Variants in CREB1 observed in about 807,000 individuals in gnomAD.
CREB1 encodes cAMP responsive element binding protein 1.
In CREB1, 2 loss-of-function variants were observed where a neutral mutation model predicts 42.0. The observed-to-expected ratio is 0.05, with a 90% CI of 0.02 to 0.15. The LOEUF is 0.15. CREB1 is among the 10% of genes least tolerant of loss of function. The pLI, the probability that CREB1 is intolerant of heterozygous loss-of-function variation, is 1.00. For missense variants in CREB1, 199 were observed against 388.9 expected (o/e 0.51, Z 4.11); for synonymous variants, 123 against 139.9 (o/e 0.88, Z 0.85).
intron 7 of CREB1, among the ~76,000 whole-genome samples, chr2:207,586,947 T>A (rs1574950260): frequency 6.6e-6 from 1 of 152,150 alleles, no homozygotes; most frequent in East Asian, 1.9e-4. Context: ...GTATCATTAG[T>A]TAGAATGGCT....
intron 7 of CREB1, among the ~76,000 whole-genome samples, chr2:207,590,466 T>C (rs904192587): frequency 5.3e-5 from 8 of 152,090 alleles, no homozygotes; most frequent in African/African-American, 1.9e-4. Flanking sequence ...TGTACTCTGA[T>C]CTTTGTTATT....
chr2:207,536,851 A>G (rs1376360502), intron 1 of CREB1, among the ~76,000 whole-genome samples: 1 of 151,676 alleles, frequency 6.6e-6, no homozygotes, highest in Non-Finnish European at 1.5e-5. Flanking sequence ...TTATCTGGGT[A>G]TAGTTGTATA....
In CREB1 at chr2:207,575,331, G is replaced by A. The variant is rs747411549; in HGVS notation, c.565G>A (p.Gly189Ser). The A allele has an allele frequency of 6.4e-5, 103 of 1,613,974 alleles. No homozygotes were observed. Among genetic ancestry groups the A allele is most frequent in the Non-Finnish European group, 8.2e-5 (97 of 1,180,012 alleles). ...TAACAATGGTACCGATGGGGTACAG[G>A]GCCTGCAAACATTAACCATGACCAA... ...LANNGTDGVQ[G>S]LQTLTMTNAA... The change falls in exon 6 of 8, where the codon GGC becomes AGC. Residue 189 changes from glycine to serine, a missense_variant. Physicochemically the swap from Gly to Ser is moderately conservative, Grantham distance 56. Around this residue, in one of 4 missense-constraint regions of CREB1, gnomAD observed 66 missense variants for 88.1 expected, o/e 0.75. Coordinates refer to ENST00000353267, the MANE Select transcript of CREB1 (RefSeq NM_004379.5).
intron 7 of CREB1, among the ~76,000 whole-genome samples, chr2:207,589,084 G>A (rs1416824758): frequency 6.6e-6 from 1 of 152,076 alleles, no homozygotes; most frequent in African/African-American, 2.4e-5. Context: ...CTTAGGGGGT[G>A]TATTAGTTTT....
intron 7 of CREB1, among the ~76,000 whole-genome samples, chr2:207,595,442 A>T (rs1333819729): frequency 6.6e-6 from 1 of 151,270 alleles, no homozygotes; most frequent in Non-Finnish European, 1.5e-5. Context: ...CTTTCTTTTG[A>T]GACAGCATCT....
At chr2:207,586,618 C>A (rs1421668096) in intron 7 of CREB1, among the ~76,000 whole-genome samples, 1 of 152,098 alleles carries the variant, frequency 6.6e-6, no homozygotes, top group East Asian at 1.9e-4. Context: ...AGTGAAGAGA[C>A]AACCTGCAGA....
chr2:207,551,146 C>G (rs1275700612), intron 1 of CREB1, among the ~76,000 whole-genome samples: 1 of 152,074 alleles, frequency 6.6e-6, no homozygotes, highest in Non-Finnish European at 1.5e-5. Flanking sequence ...TCATTAATGC[C>G]TCTTTGGAAT....
chr2:207,568,124 G>A (rs2082210888), intron 4 of CREB1: 1 of 152,000 alleles, frequency 6.6e-6, no homozygotes, highest in East Asian at 1.9e-4. Flanking sequence ...TCTTCAGGAA[G>A]GGCAGTTCCA....
chr2:207,543,598 TTTTA>T (rs748170591), intron 1 of CREB1, among the ~76,000 whole-genome samples: 9 of 151,862 alleles, frequency 5.9e-5, no homozygotes, highest in South Asian at 2.1e-4. Context: ...TGGTTATTAA[TTTTA>T]TTTATTTATT....
At chr2:207,530,920 G>C (rs1346947492) in intron 1 of CREB1, among the ~76,000 whole-genome samples, 2 of 151,028 alleles carry the variant, frequency 1.3e-5, no homozygotes, top group East Asian at 1.9e-4. Context: ...TTAGTTGAGA[G>C]ATGAGAGCTT....
At chr2:207,546,879 C>T (rs1383348239) in intron 1 of CREB1, among the ~76,000 whole-genome samples, 3 of 152,106 alleles carry the variant, frequency 2.0e-5, no homozygotes, top group Non-Finnish European at 4.4e-5. Context: ...AGTTCTTGGG[C>T]TTTTTCCTTT....
chr2:207,539,192 C>T (rs989599971), intron 1 of CREB1, among the ~76,000 whole-genome samples: 1 of 151,416 alleles, frequency 6.6e-6, no homozygotes, highest in Non-Finnish European at 1.5e-5. Context: ...AAGCATGTGC[C>T]ACCATACCTG....
intron 7 of CREB1, among the ~76,000 whole-genome samples, chr2:207,587,468 C>T (rs2084089108): frequency 6.6e-6 from 1 of 151,576 alleles, no homozygotes; most frequent in South Asian, 2.1e-4. Context: ...AATCCTACTA[C>T]TGGGTATCTA....
chr2:207,566,464 C>T (rs533172814), intron 3 of CREB1, among the ~76,000 whole-genome samples: 68 of 152,270 alleles, frequency 4.5e-4, no homozygotes, highest in African/African-American at 1.6e-3. Flanking sequence ...ATTTGACAAT[C>T]AAGCATACTT....
At chr2:207,535,906 C>T (rs920784940) in intron 1 of CREB1, among the ~76,000 whole-genome samples, 1 of 152,082 alleles carries the variant, frequency 6.6e-6, no homozygotes, top group Admixed American at 6.6e-5. Flanking sequence ...ACTGCAACCT[C>T]TGTTTCCTGG....
intron 1 of CREB1, 101 bp from the exon 2 acceptor site, chr2:207,555,527 A>G (rs908905763): frequency 5.2e-6 from 3 of 573,302 alleles, no homozygotes; most frequent in Non-Finnish European, 9.3e-6. Flanking sequence ...TTGGTAACCT[A>G]ACCACCACAT....
intron 7 of CREB1, among the ~76,000 whole-genome samples, chr2:207,596,536 C>T (rs897537300): frequency 6.6e-5 from 10 of 152,180 alleles, no homozygotes; most frequent in Non-Finnish European, 1.3e-4. Context: ...CAGGTTCAAG[C>T]GATGCCCATG....
At chr2:207,544,119 C>T (rs2081208468) in intron 1 of CREB1, among the ~76,000 whole-genome samples, 1 of 151,486 alleles carries the variant, frequency 6.6e-6, no homozygotes, top group Non-Finnish European at 1.5e-5. Flanking sequence ...CAGAGTTTCA[C>T]TGTGGTCTCG....
chr2:207,605,106 C>G lies in CREB1; in HGVS notation c.*8048C>G, dbSNP rs1439128537. On this transcript the variant is annotated 3_prime_UTR_variant, in exon 8 of 8. Coordinates refer to ENST00000353267, the MANE Select transcript of CREB1 (RefSeq NM_004379.5). ...ATGCCTGGGAGTGGAGTTGCTGGGTCATGTTGAAATCGCACATTTAACTTT... is the reference window on the plus strand; with the variant it reads ...ATGCCTGGGAGTGGAGTTGCTGGGTGATGTTGAAATCGCACATTTAACTTT... Among the ~76,000 whole-genome samples the G allele has an allele frequency of 4.6e-5, 7 of 152,126 alleles. No homozygotes were observed. Among genetic ancestry groups the G allele is most frequent in the Admixed American group, 4.6e-4 (7 of 15,270 alleles).
Sources: allele counts gnomAD v4.1 joint callset (sites outside exome capture counted in the v4.1 genomes callset), GRCh38; gene constraint gnomAD v4.1.1; regional missense constraint gnomAD v4.1.1; transcripts MANE v1.5; gene names NCBI Gene and HGNC (gene_info 2026-07-23, HGNC 2026-07-21).